The following FMNL2 variants were observed in gnomAD, a reference collection of about 807,000 sequenced individuals.
FMNL2 encodes formin like 2, also known as formin-like protein 2.
FMNL2 carries 51 observed loss-of-function variants against 130.2 expected under a neutral mutation model. The observed-to-expected ratio is 0.39, with a 90% CI of 0.31 to 0.49. The LOEUF (loss-of-function observed/expected upper bound fraction) is 0.49. Ranked by LOEUF, FMNL2 falls within the 20% of genes least tolerant of loss-of-function variation. FMNL2 has a pLI of 0.85. For missense variants in FMNL2, 977 were observed against 1,316.2 expected (o/e 0.74, Z 3.99); for synonymous variants, 465 against 467.1 (o/e 1.00, Z 0.06).
intron 1 of FMNL2, among the ~76,000 whole-genome samples, chr2:152,336,157 C>T (rs910096895): frequency 6.6e-6 from 1 of 152,066 alleles, no homozygotes; most frequent in African/African-American, 2.4e-5. Flanking sequence ...CTCGGGCGGC[C>T]AGCCCGGGAC....
At position 152,595,484 on chromosome 2, in the gene FMNL2, A is replaced by C. The variant is rs376910463; in HGVS notation, c.877-11855A>C. On this transcript the variant is annotated intron_variant, in intron 9 of 25. Transcript: ENST00000288670. ...TACAGACACGCCACCACGCCCAGCT[A>C]ATTTTTGTATTTTTAGTAGAGACGG... Among the ~76,000 whole-genome samples the C allele has an allele frequency of 3.3e-5, 5 of 152,036 alleles. No individual in the cohort carries two copies. In the South Asian group the frequency reaches 1.0e-3, roughly 32 times the overall value.
At chr2:152,417,506 T>G (rs1460782328) in intron 1 of FMNL2, among the ~76,000 whole-genome samples, 1 of 152,200 alleles carries the variant, frequency 6.6e-6, no homozygotes, top group Admixed American at 6.5e-5. Context: ...TCTAGGGCAT[T>G]GCAAGGTTGG....
chr2:152,480,571 G>T (rs1306793575), intron 1 of FMNL2, among the ~76,000 whole-genome samples: 1 of 144,990 alleles, frequency 6.9e-6, no homozygotes, highest in Non-Finnish European at 1.5e-5. Context: ...GGAGGCGGAG[G>T]TTGCAGGGAG....
At chr2:152,557,462 C>T (rs1053554860) in intron 4 of FMNL2, among the ~76,000 whole-genome samples, 1 of 152,208 alleles carries the variant, frequency 6.6e-6, no homozygotes, top group Non-Finnish European at 1.5e-5. Context: ...TTTCCACTTT[C>T]CCACTTTGCC....
intron 23 of FMNL2, among the ~76,000 whole-genome samples, chr2:152,638,063 TAAG>T (rs1470295323): frequency 2.0e-5 from 3 of 152,192 alleles, no homozygotes; most frequent in Non-Finnish European, 4.4e-5. Context: ...CAGCTGAAGT[TAAG>T]GAGAGCCTGC....
At chr2:152,462,314 T>C (rs1044038296) in intron 1 of FMNL2, among the ~76,000 whole-genome samples, 2 of 152,196 alleles carry the variant, frequency 1.3e-5, no homozygotes, top group Admixed American at 6.5e-5. Flanking sequence ...TGAATTAGTT[T>C]AGGCAGTGAG....
At chr2:152,486,715 C>T (rs1205292962) in intron 1 of FMNL2, among the ~76,000 whole-genome samples, 1 of 152,168 alleles carries the variant, frequency 6.6e-6, no homozygotes, top group Non-Finnish European at 1.5e-5. Context: ...GAGGCTTGAA[C>T]GTGGCTGCTA....
intron 6 of FMNL2, among the ~76,000 whole-genome samples, chr2:152,567,852 T>C (rs1463434070): frequency 1.3e-5 from 2 of 152,204 alleles, no homozygotes; most frequent in African/African-American, 4.8e-5. Flanking sequence ...GACTGCATTT[T>C]CCTTACAAAA....
chr2:152,481,687 A>G (rs370885064), intron 1 of FMNL2, among the ~76,000 whole-genome samples: 12 of 152,208 alleles, frequency 7.9e-5, no homozygotes, highest in African/African-American at 2.7e-4. Context: ...TCAGGTTGAA[A>G]TTTGTTTTAC....
At chr2:152,555,891 A>G (rs759835610) in intron 4 of FMNL2, among the ~76,000 whole-genome samples, 1 of 152,270 alleles carries the variant, frequency 6.6e-6, no homozygotes, top group Non-Finnish European at 1.5e-5. Flanking sequence ...CTAATTTGCT[A>G]TGGGAACCCT....
intron 1 of FMNL2, among the ~76,000 whole-genome samples, chr2:152,394,111 A>T (rs987171653): frequency 7.2e-5 from 11 of 152,076 alleles, no homozygotes; most frequent in Admixed American, 2.0e-4. Context: ...TTTTAGATAA[A>T]TTTTTTAGGC....
chr2:152,456,787 A>G (rs925696777), intron 1 of FMNL2, among the ~76,000 whole-genome samples: 6 of 152,100 alleles, frequency 3.9e-5, no homozygotes, highest in African/African-American at 1.4e-4. Context: ...ACTAAAAAAA[A>G]TACAAAAATT....
chr2:152,387,003 G>A (rs1017416226), intron 1 of FMNL2, among the ~76,000 whole-genome samples: 25 of 148,218 alleles, frequency 1.7e-4, no homozygotes, highest in African/African-American at 6.3e-4. Flanking sequence ...CTTGAGGAAT[G>A]ATGATTTAAA....
chr2:152,618,631 G>T (rs1699075668), intron 13 of FMNL2, among the ~76,000 whole-genome samples: 1 of 152,164 alleles, frequency 6.6e-6, no homozygotes, highest in African/African-American at 2.4e-5. Context: ...TAAATGGAAA[G>T]AACTTCATTA....
intron 1 of FMNL2, among the ~76,000 whole-genome samples, chr2:152,374,493 G>A (rs796810226): frequency 5.3e-5 from 8 of 152,246 alleles, no homozygotes; most frequent in African/African-American, 1.9e-4. Context: ...TTTGGAAGGT[G>A]ATATTGAACC....
intron 1 of FMNL2, among the ~76,000 whole-genome samples, chr2:152,349,179 T>C (rs1366208809): frequency 6.6e-6 from 1 of 152,220 alleles, no homozygotes; most frequent in Non-Finnish European, 1.5e-5. Context: ...GGCATGAGAC[T>C]GGATGGCTTG....
rs184418359 is a variant in FMNL2 at position 152,499,142 on chromosome 2, T to C, written c.118-22801T>C. ...CAGCTATGTTTTCTGTGAAGCCTGA[T>C]TGGGGAGTCAAAGTCCCAGTGGAAA... On this transcript the variant is annotated intron_variant, in intron 1 of 25. Transcript: ENST00000288670. 9.8e-4 allele frequency among the ~76,000 whole-genome samples: 149 copies of C among 152,308 alleles called. 1 individual carries two copies. The highest frequency in any genetic ancestry group is 3.2e-3 in the African/African-American group (135 of 41,560).
chr2:152,516,163 T>G (rs1192039098), intron 1 of FMNL2, among the ~76,000 whole-genome samples: 1 of 152,142 alleles, frequency 6.6e-6, no homozygotes, highest in African/African-American at 2.4e-5. Flanking sequence ...GGGGAGTTGT[T>G]GTTTGATGGG....
At chr2:152,383,063 T>C (rs66791751) in intron 1 of FMNL2, among the ~76,000 whole-genome samples, 31,606 of 152,122 alleles carry the variant, frequency 0.21, 3,556 homozygotes, top group Admixed American at 0.34. Context: ...TACTTGATAA[T>C]GATCATAAAC....
Sources: allele counts gnomAD v4.1 joint callset (sites outside exome capture counted in the v4.1 genomes callset), GRCh38; gene constraint gnomAD v4.1.1; transcripts MANE v1.5; gene names NCBI Gene and HGNC (gene_info 2026-07-23, HGNC 2026-07-21).